CSMD3: variants seen among roughly 807,000 people sequenced by gnomAD.
The protein encoded by CSMD3 is CUB and Sushi multiple domains 3, also known as CUB and sushi domain-containing protein 3.
Under a neutral mutation model 435.2 loss-of-function variants are expected in CSMD3, and 177 were observed. The observed-to-expected ratio is 0.41, with a 90% CI of 0.36 to 0.46. The LOEUF is 0.46. Among genes scored for constraint, CSMD3 ranks in the 20% least tolerant of loss-of-function variants. The probability of loss-of-function intolerance (pLI) is 0.34; values close to 1 mark genes in which losing one functional copy is unlikely to be tolerated. For synonymous variants in CSMD3, 1,656 were observed against 1,520.5 expected (o/e 1.09, Z -2.07); for missense variants, 4,265 against 4,504.6 (o/e 0.95, Z 1.52).
At chr8:113,304,214 A>AT (rs1563675355) in intron 2 of CSMD3, among the ~76,000 whole-genome samples, 1 of 90,282 alleles carries the variant, frequency 1.1e-5, no homozygotes, top group Non-Finnish European at 2.1e-5. Context: ...CCACTATGAG[A>AT]TATCATCTCA....
intron 4 of CSMD3, among the ~76,000 whole-genome samples, chr8:113,143,151 C>T (rs990262030): frequency 1.1e-4 from 17 of 150,536 alleles, no homozygotes; most frequent in African/African-American, 4.1e-4. Context: ...TTGAAAATGG[C>T]AAAAAAATAC....
intron 22 of CSMD3, among the ~76,000 whole-genome samples, chr8:112,611,160 A>G (rs1455308387): frequency 1.3e-5 from 2 of 152,174 alleles, no homozygotes; most frequent in African/African-American, 4.8e-5. Flanking sequence ...AATTTCATGG[A>G]GATGGAATGA....
chr8:112,623,177 T>C (rs778048856), intron 22 of CSMD3, among the ~76,000 whole-genome samples: 2 of 152,084 alleles, frequency 1.3e-5, no homozygotes, highest in Admixed American at 1.3e-4. Flanking sequence ...TGCTCCACAT[T>C]GACTATACCT....
chr8:113,137,277 T>C (rs1480923743), intron 4 of CSMD3, among the ~76,000 whole-genome samples: 4 of 151,700 alleles, frequency 2.6e-5, no homozygotes, highest in Non-Finnish European at 5.9e-5. Flanking sequence ...TACCTGGTAT[T>C]GTCTAGAAAT....
chr8:112,362,717 G>A (rs1487603786), intron 38 of CSMD3, among the ~76,000 whole-genome samples: 1 of 151,866 alleles, frequency 6.6e-6, no homozygotes, highest in Non-Finnish European at 1.5e-5. Context: ...TGGAACAATT[G>A]CAATAAATGA....
rs749690444 is a variant in CSMD3 at position 112,299,993 on chromosome 8, T to C, written c.8440+1800A>G. Among the ~76,000 whole-genome samples the C allele has an allele frequency of 1.6e-3, 243 of 151,094 alleles. 1 individual carries two copies. The highest frequency in any genetic ancestry group is 2.4e-3 in the Non-Finnish European group (165 of 67,722). ...ATATACAATATTAAATAATATATAA[T>C]ACACAATAACAATTCATGAGAGCAC... On this transcript the variant is annotated intron_variant, in intron 53 of 70. Coordinates refer to ENST00000297405, the MANE Select transcript of CSMD3 (RefSeq NM_198123.2).
At chr8:113,018,330 G>A (rs1028055295) in intron 6 of CSMD3, among the ~76,000 whole-genome samples, 1 of 151,670 alleles carries the variant, frequency 6.6e-6, no homozygotes, top group African/African-American at 2.4e-5. Context: ...GAAGTGCTTA[G>A]GACTGAAGAC....
intron 4 of CSMD3, among the ~76,000 whole-genome samples, chr8:113,147,047 C>A (rs910502554): frequency 6.6e-6 from 1 of 151,554 alleles, no homozygotes; most frequent in African/African-American, 2.4e-5. Context: ...AACTGAAATA[C>A]AACATGCAAC....
At chr8:113,328,545 C>T (rs978994213) in intron 1 of CSMD3, among the ~76,000 whole-genome samples, 1 of 151,476 alleles carries the variant, frequency 6.6e-6, no homozygotes, top group Non-Finnish European at 1.5e-5. Flanking sequence ...TAGCCATGCA[C>T]TAGAAAGAAT....
chr8:112,398,234 A>C (rs918780121), intron 35 of CSMD3, among the ~76,000 whole-genome samples: 2 of 152,138 alleles, frequency 1.3e-5, no homozygotes, highest in African/African-American at 4.8e-5. Flanking sequence ...CACAGGTTGG[A>C]GGTCTCCACC....
chr8:112,963,813 A>G lies in CSMD3; in HGVS notation c.1343-9052T>C, dbSNP rs551485303. On this transcript the variant is annotated intron_variant, in intron 7 of 70. Transcript: ENST00000297405. ...TAACTTATACATGAGAGCAATATGA[A>G]TAGTGTTAAATCAAACTGTATATAT... Among the ~76,000 whole-genome samples the G allele has an allele frequency of 2.2e-3, 333 of 152,078 alleles. 1 individual carries two copies. Among genetic ancestry groups the G allele is most frequent in the Non-Finnish European group, 3.4e-3 (232 of 67,904 alleles).
intron 6 of CSMD3, among the ~76,000 whole-genome samples, chr8:112,995,452 A>G (rs933063767): frequency 5.3e-5 from 8 of 151,496 alleles, no homozygotes; most frequent in Non-Finnish European, 1.5e-5. Flanking sequence ...TAGTTCTAGT[A>G]TCAGAAATTT....
intron 11 of CSMD3, among the ~76,000 whole-genome samples, chr8:112,842,422 G>A (rs2080204163): frequency 6.6e-6 from 1 of 151,750 alleles, no homozygotes; most frequent in Non-Finnish European, 1.5e-5. Context: ...CTGCACCGTA[G>A]GAAACTAAGC....
At chr8:112,650,105 A>G (rs769328002) in intron 19 of CSMD3, 56 bp downstream of exon 19, 20 of 1,256,946 alleles carry the variant, frequency 1.6e-5, no homozygotes, top group Non-Finnish European at 2.3e-5. Context: ...ATAAAAAACT[A>G]CATTGATTTT....
chr8:112,803,964 G>A (rs1370657665), intron 12 of CSMD3, among the ~76,000 whole-genome samples: 1 of 152,252 alleles, frequency 6.6e-6, no homozygotes, highest in South Asian at 2.1e-4. Context: ...TGAACCAAGA[G>A]GTAGATAACT....
rs2130386055 is a variant in CSMD3 at position 112,263,794 on chromosome 8, G to T, written c.9707C>A (p.Pro3236His). 1 of 1,613,802 alleles carries T rather than the reference G, an allele frequency of 6.2e-7. No homozygotes were observed. The highest frequency in any genetic ancestry group is 8.5e-7 in the Non-Finnish European group (1 of 1,179,750). The change falls in exon 61 of 71, where the codon CCT becomes CAT. Residue 3236 changes from proline (P) to histidine (H), a missense_variant. Coordinates refer to ENST00000297405, the MANE Select transcript of CSMD3 (RefSeq NM_198123.2). Reference sequence around the variant, plus strand: ...CAGCCTTCCATTAGAGATCTGGGGAGGAGTTGGGCAGGTAACAGCTGCAAT... The same window carrying T: ...CAGCCTTCCATTAGAGATCTGGGGATGAGTTGGGCAGGTAACAGCTGCAAT... ...PTCRAVTCPT[P>H]PQISNGRLEG...
chr8:113,300,077 C>G (rs1007107997), intron 2 of CSMD3, among the ~76,000 whole-genome samples: 1 of 148,964 alleles, frequency 6.7e-6, no homozygotes, highest in African/African-American at 2.5e-5. Flanking sequence ...CTGTTTGAAC[C>G]CAGGAGGCGG....
At chr8:113,186,007 A>G (rs1038253704) in intron 3 of CSMD3, among the ~76,000 whole-genome samples, 1 of 151,960 alleles carries the variant, frequency 6.6e-6, no homozygotes, top group African/African-American at 2.4e-5. Context: ...TCTTATTGAC[A>G]TTATGTGCCT....
chr8:112,389,743 G>A (rs1830261521), intron 36 of CSMD3, among the ~76,000 whole-genome samples: 1 of 152,074 alleles, frequency 6.6e-6, no homozygotes, highest in South Asian at 2.1e-4. Context: ...AAATCAATTA[G>A]AGAAGTAATC....
Sources: allele counts gnomAD v4.1 joint callset (sites outside exome capture counted in the v4.1 genomes callset), GRCh38; gene constraint gnomAD v4.1.1; transcripts MANE v1.5; gene names NCBI Gene and HGNC (gene_info 2026-07-23, HGNC 2026-07-21).